The following ANKS6 variants were observed in gnomAD, a reference collection of about 807,000 sequenced individuals.
ANKS6 encodes ankyrin repeat and sterile alpha motif domain containing 6, also known as ankyrin repeat and SAM domain-containing protein 6.
Under a neutral mutation model 77.9 loss-of-function variants are expected in ANKS6, and 47 were observed. The observed-to-expected ratio is 0.60, with a 90% CI of 0.48 to 0.77. ANKS6 has a LOEUF of 0.77. ANKS6 is among the 30% of genes least tolerant of loss of function. The probability of loss-of-function intolerance (pLI) is 0.00; values close to 1 mark genes in which losing one functional copy is unlikely to be tolerated. For synonymous variants in ANKS6, 488 were observed against 501.7 expected, an observed-to-expected ratio of 0.97 and a Z score of 0.37; for missense variants, 1,150 against 1,159.1, an observed-to-expected ratio of 0.99 and a Z score of 0.11.
rs1834177508 is a variant in ANKS6, at chr9:98,780,402, A to G, written c.1220-65T>C. Reference sequence around the variant, plus strand: ...CTGTTGGGCCATAAGGAGAAGACTCAAGATGACCCCTGTTAGACTTAGAAC... The same window carrying G: ...CTGTTGGGCCATAAGGAGAAGACTCGAGATGACCCCTGTTAGACTTAGAAC... On this transcript the variant is annotated intron_variant, in intron 5 of 14. Coordinates refer to ENST00000353234, the MANE Select transcript of ANKS6 (RefSeq NM_173551.5). 4.0e-6 allele frequency: 6 copies of G among 1,497,198 alleles called. No homozygotes were observed. The South Asian group carries it at 7.9e-5, about 20-fold the overall frequency. The allele number at this position is 1,497,198 out of a possible 1,614,324, so 92.7% of individuals were successfully genotyped here.
At chr9:98,759,710 G>A (rs1003160007) in intron 11 of ANKS6, among the ~76,000 whole-genome samples, 3 of 152,164 alleles carry the variant, frequency 2.0e-5, no homozygotes, top group Non-Finnish European at 2.9e-5. Context: ...TGGAACTGGA[G>A]GACATTATGT....
chr9:98,747,600 T>G (rs1397802242), intron 13 of ANKS6, among the ~76,000 whole-genome samples: 2 of 152,096 alleles, frequency 1.3e-5, no homozygotes, highest in African/African-American at 4.8e-5. Flanking sequence ...CCCCCCGCCC[T>G]GCTGGACACG....
At position 98,781,725 on chromosome 9, in the gene ANKS6, A is replaced by C. The variant is rs528160101; in HGVS notation, c.1219+742T>G. Among the ~76,000 whole-genome samples, 3 of 152,210 alleles carry C rather than the reference A, an allele frequency of 2.0e-5. No individual in the cohort carries two copies. In the South Asian group the frequency reaches 6.2e-4, roughly 32 times the overall value. On this transcript the variant is annotated intron_variant, in intron 5 of 14. Coordinates refer to ENST00000353234, the MANE Select transcript of ANKS6 (RefSeq NM_173551.5). Reference sequence around the variant, plus strand: ...CCTGCTGGCTACCCCTCTAGCTAAGAGGGGCAGCAGGTGACTTGTGACTGC... The same window carrying C: ...CCTGCTGGCTACCCCTCTAGCTAAGCGGGGCAGCAGGTGACTTGTGACTGC...
At chr9:98,768,593 C>G (rs917115124) in intron 10 of ANKS6, among the ~76,000 whole-genome samples, 3 of 152,226 alleles carry the variant, frequency 2.0e-5, no homozygotes, top group African/African-American at 7.2e-5. Context: ...ACAGAAGCCC[C>G]TCTGCAGAGC....
intron 14 of ANKS6, among the ~76,000 whole-genome samples, chr9:98,741,547 G>A (rs887458562): frequency 3.3e-5 from 5 of 152,184 alleles, no homozygotes; most frequent in African/African-American, 1.2e-4. Flanking sequence ...TCACCATTTT[G>A]GTACTGTGTA....
chr9:98,765,439 T>C (rs755301687), intron 11 of ANKS6, among the ~76,000 whole-genome samples: 8 of 152,224 alleles, frequency 5.3e-5, no homozygotes, highest in African/African-American at 9.6e-5. Flanking sequence ...AACAACCTGA[T>C]TGGCTTTCAA....
At position 98,732,711 on chromosome 9, in the gene ANKS6, A is replaced by G; in HGVS notation, c.*3808T>C. 6.9e-7 allele frequency: 1 copy of G among 1,447,156 alleles called. No individual in the cohort carries two copies. The highest frequency in any genetic ancestry group is 9.1e-7 in the Non-Finnish European group (1 of 1,104,736). 89.6% of individuals were successfully genotyped at this position (1,447,156 alleles called of 1,614,324 possible). A position where few individuals can be genotyped will look rare whatever the true frequency, so the allele number is the denominator to read the frequency against. On this transcript the variant is annotated 3_prime_UTR_variant, in exon 15 of 15. Coordinates refer to ENST00000353234, the MANE Select transcript of ANKS6 (RefSeq NM_173551.5). ...TCCCTGGGGGCTACTATCCCCCTGT[A>G]ACCAAAAGGGAAACTGGGACTCAAA...
At chr9:98,737,494 A>T (rs1157271277) in intron 14 of ANKS6, among the ~76,000 whole-genome samples, 2 of 151,894 alleles carry the variant, frequency 1.3e-5, no homozygotes, top group South Asian at 2.1e-4. Context: ...AAAAAAATAA[A>T]AAAAAAAAAT....
At chr9:98,770,748 C>T (rs1329584697) in intron 10 of ANKS6, 148 bp downstream of exon 10, 1 of 850,124 alleles carries the variant, frequency 1.2e-6, no homozygotes, top group East Asian at 3.3e-5. Context: ...TGGGAATTCA[C>T]TGAAAAATCT....
chr9:98,755,002 G>C (rs1832619391), intron 12 of ANKS6, among the ~76,000 whole-genome samples: 1 of 152,184 alleles, frequency 6.6e-6, no homozygotes, highest in Non-Finnish European at 1.5e-5. Context: ...GAATTCACGA[G>C]TGTGGAACTC....
intron 8 of ANKS6, among the ~76,000 whole-genome samples, chr9:98,775,724 T>C (rs1268254007): frequency 3.3e-5 from 5 of 152,250 alleles, no homozygotes; most frequent in African/African-American, 1.2e-4. Flanking sequence ...ACCATGGTTA[T>C]AGTTGGGTGT....
rs1235969185 is a variant in ANKS6, at chr9:98,771,046, T to C, written c.1822A>G (p.Thr608Ala). The change falls in exon 10 of 15, where the codon ACA (threonine) becomes GCA (alanine). Residue 608 changes from threonine to alanine, a missense_variant and splice_region_variant. Thr to Ala is a moderately conservative substitution (Grantham distance 58, BLOSUM62 0). Coordinates refer to ENST00000353234, the MANE Select transcript of ANKS6 (RefSeq NM_173551.5). ...HPVGGGGTDT[T>A]PVRPVKFPSL... is the part of the protein sequence containing the mutation. Reference sequence around the variant, plus strand: ...GGAAATTTAACAGGCCTGACGGGTGTCTACAAGAATAAGGCAGGTGCAGCA... The same window carrying C: ...GGAAATTTAACAGGCCTGACGGGTGCCTACAAGAATAAGGCAGGTGCAGCA... The C allele has an allele frequency of 1.9e-6, 3 of 1,557,030 alleles. No individual in the cohort carries two copies. The highest frequency in any genetic ancestry group is 2.6e-6 in the Non-Finnish European group (3 of 1,151,042).
Position 98,768,095 on chromosome 9 carries a change from C to T in ANKS6, c.2128G>A (p.Ala710Thr), listed in dbSNP as rs996243039. 15 of 1,609,340 alleles carry T rather than the reference C, an allele frequency of 9.3e-6. No individual in the cohort carries two copies. The highest frequency in any genetic ancestry group is 1.3e-5 in the African/African-American group (1 of 74,876). The change falls in exon 11 of 15, where the codon GCT (alanine) becomes ACT (threonine). Residue 710 changes from alanine to threonine, a missense_variant. By Grantham distance (58) the Ala-to-Thr change is moderately conservative. Transcript: ENST00000353234. ...AAAACAAGCACCTTGCCAACAGGAG[C>T]GCTGCCACCTGCAGGGGAGGCTGGA... Reference protein sequence around the residue: ...ELPASPAGGSAPVGKKLETSK... With the variant: ...ELPASPAGGSTPVGKKLETSK...
At chr9:98,754,641 CA>C (rs1010994225) in intron 12 of ANKS6, among the ~76,000 whole-genome samples, 254 of 133,840 alleles carry the variant, frequency 1.9e-3, no homozygotes, top group Middle Eastern at 3.7e-3. Flanking sequence ...GCCTCCGTCT[CA>C]AAAAAAAAAA....
intron 9 of ANKS6, among the ~76,000 whole-genome samples, chr9:98,773,501 G>A (rs1276152380): frequency 2.0e-5 from 3 of 152,200 alleles, no homozygotes; most frequent in East Asian, 3.8e-4. Context: ...TTGCCGCTGA[G>A]TGTTTGCTCT....
At chr9:98,788,880 T>C (rs1834727071) in intron 2 of ANKS6, among the ~76,000 whole-genome samples, 1 of 152,238 alleles carries the variant, frequency 6.6e-6, no homozygotes, top group Admixed American at 6.5e-5. Context: ...GTTTCCCACC[T>C]GGACAAAGTA....
chr9:98,770,032 T>C (rs990966475), intron 10 of ANKS6, among the ~76,000 whole-genome samples: 1 of 152,166 alleles, frequency 6.6e-6, no homozygotes, highest in African/African-American at 2.4e-5. Context: ...GTGGCTGATA[T>C]GGTTTGGCTG....
At chr9:98,739,180 T>C (rs1831673137) in intron 14 of ANKS6, among the ~76,000 whole-genome samples, 1 of 152,086 alleles carries the variant, frequency 6.6e-6, no homozygotes, top group Non-Finnish European at 1.5e-5. Context: ...GTATACTGCT[T>C]GGGTAATGGG....
intron 14 of ANKS6, among the ~76,000 whole-genome samples, chr9:98,742,217 T>C (rs1358743132): frequency 1.3e-5 from 2 of 152,106 alleles, no homozygotes; most frequent in Non-Finnish European, 2.9e-5. Flanking sequence ...AAAGAAAAAG[T>C]ATGAATGTTA....
Sources: allele counts gnomAD v4.1 joint callset (sites outside exome capture counted in the v4.1 genomes callset), GRCh38; gene constraint gnomAD v4.1.1; transcripts MANE v1.5; gene names NCBI Gene and HGNC (gene_info 2026-07-23, HGNC 2026-07-21).